CDYL: variants seen among roughly 807,000 people sequenced by gnomAD.
CDYL encodes the protein chromodomain Y-like protein.
In CDYL, 8 loss-of-function variants were observed where a neutral mutation model predicts 47.3. The ratio of observed to expected loss-of-function variants is 0.17; its 90% confidence interval spans 0.10 to 0.31. CDYL has a LOEUF of 0.31. CDYL is among the 10% of genes least tolerant of loss of function. The pLI is 1.00. For missense variants in CDYL, 471 were observed against 701.4 expected, an observed-to-expected ratio of 0.67 and a Z score of 3.71; for synonymous variants, 266 against 265.0, an observed-to-expected ratio of 1.00 and a Z score of -0.04.
intron 1 of CDYL, among the ~76,000 whole-genome samples, chr6:4,783,281 A>G (rs1379672151): frequency 6.7e-6 from 1 of 150,366 alleles, no homozygotes; most frequent in Non-Finnish European, 1.5e-5. Flanking sequence ...TTATCTGGAC[A>G]TGTCTTTATT....
At chr6:4,769,963 ATTTGTG>A (rs1446871246) in intron 3 of CDYL, among the ~76,000 whole-genome samples, 2 of 113,464 alleles carry the variant, frequency 1.8e-5, no homozygotes, top group African/African-American at 3.9e-5. Context: ...CGCCCGGCTA[ATTTGTG>A]TGTGTGTGTG....
At chr6:4,754,495 T>C (rs2127420889) in intron 3 of CDYL, among the ~76,000 whole-genome samples, 1 of 152,348 alleles carries the variant, frequency 6.6e-6, no homozygotes, top group Non-Finnish European at 1.5e-5. Context: ...CGTTGAGCTG[T>C]ATCATTTGGG....
intron 1 of CDYL, among the ~76,000 whole-genome samples, chr6:4,818,187 C>T (rs1008551084): frequency 2.0e-5 from 3 of 151,820 alleles, no homozygotes; most frequent in African/African-American, 4.8e-5. Context: ...GCCTGGAGGT[C>T]GAGGCTGCAG....
chr6:4,919,936 G>A (rs370708256), intron 2 of CDYL, among the ~76,000 whole-genome samples: 1 of 103,368 alleles, frequency 9.7e-6, no homozygotes, highest in African/African-American at 2.9e-5. Flanking sequence ...ATAGCTAAAA[G>A]GTGGAAGCAA....
intron 5 of CDYL, among the ~76,000 whole-genome samples, chr6:4,947,490 C>T (rs911385697): frequency 4.6e-5 from 7 of 152,156 alleles, no homozygotes; most frequent in Admixed American, 4.6e-4. Flanking sequence ...CTCTTGCTCC[C>T]GGCTGCCCCT....
At chr6:4,773,933 C>T (rs1453969570), upstream of CDYL, among the ~76,000 whole-genome samples, 2 of 152,164 alleles carry the variant, frequency 1.3e-5, no homozygotes, top group Non-Finnish European at 2.9e-5. This position sits in a 1 kb window ranked among gnomAD's most constrained non-coding sequence, Gnocchi z 4.6. Context: ...AATTCTTCCC[C>T]TTTTTGTTTC....
At chr6:4,834,278 A>C (rs1335770828) in intron 1 of CDYL, among the ~76,000 whole-genome samples, 1 of 151,940 alleles carries the variant, frequency 6.6e-6, no homozygotes, top group African/African-American at 2.4e-5. Flanking sequence ...GGTGGTGACA[A>C]AATCTCTCAG....
intron 1 of CDYL, among the ~76,000 whole-genome samples, chr6:4,801,814 G>A (rs1279394874): frequency 1.3e-5 from 2 of 152,172 alleles, no homozygotes; most frequent in East Asian, 3.8e-4. Flanking sequence ...TTGGGAAAGA[G>A]CATCATATTC....
intron 1 of CDYL, among the ~76,000 whole-genome samples, chr6:4,783,324 C>T (rs1011632162): frequency 6.6e-6 from 1 of 150,774 alleles, no homozygotes; most frequent in Non-Finnish European, 1.5e-5. Context: ...AATAGTATTT[C>T]AAATAAAACC....
chr6:4,711,212 G>C (rs1356907088), intron 1 of CDYL, among the ~76,000 whole-genome samples: 1 of 152,146 alleles, frequency 6.6e-6, no homozygotes, highest in African/African-American at 2.4e-5. Flanking sequence ...TAACGCTGTG[G>C]AGACATGGTT....
At chr6:4,931,857 G>A (rs1003292875) in intron 2 of CDYL, among the ~76,000 whole-genome samples, 1 of 152,196 alleles carries the variant, frequency 6.6e-6, no homozygotes, top group African/African-American at 2.4e-5. Flanking sequence ...CTTGGTCAGC[G>A]TGAGCCAAAA....
intron 3 of CDYL, among the ~76,000 whole-genome samples, chr6:4,762,785 T>C (rs1758196153): frequency 6.6e-6 from 1 of 151,556 alleles, no homozygotes; most frequent in Non-Finnish European, 1.5e-5. Context: ...TCAGAAATGA[T>C]AATACAACGC....
chr6:4,813,646 G>C (rs1759588311), intron 1 of CDYL, among the ~76,000 whole-genome samples: 1 of 152,194 alleles, frequency 6.6e-6, no homozygotes, highest in African/African-American at 2.4e-5. Context: ...TGCACATGCT[G>C]TTCTGGTTTT....
chr6:4,895,873 C>CCATCCA (rs1219145513), intron 2 of CDYL, among the ~76,000 whole-genome samples: 1 of 152,180 alleles, frequency 6.6e-6, no homozygotes, highest in African/African-American at 2.4e-5. Context: ...TAAAAAACAT[C>CCATCCA]CATCCACACA....
rs183156863 is a variant in CDYL at position 4,891,635 on chromosome 6, G to A, written c.25-78G>A. 50 of 1,172,260 alleles carry A rather than the reference G, an allele frequency of 4.3e-5. No homozygotes were observed. The East Asian group carries it at 1.3e-3, about 29-fold the overall frequency. The allele number at this position is 1,172,260 out of a possible 1,614,324, so 72.6% of individuals were successfully genotyped here. A position where few individuals can be genotyped will look rare whatever the true frequency, so the allele number is the denominator to read the frequency against. ...ATCTATTGTGGTTTTTGCTATTTTT[G>A]ATGTTTCCTAATGAAACTTGCACTT... On this transcript the variant is annotated intron_variant, in intron 1 of 6. Coordinates refer to ENST00000397588, the MANE Select transcript of CDYL (RefSeq NM_004824.4).
intron 3 of CDYL, among the ~76,000 whole-genome samples, chr6:4,735,905 TGG>T (rs56986849): frequency 6.6e-5 from 10 of 151,790 alleles, no homozygotes; most frequent in East Asian, 1.9e-4. Flanking sequence ...GTGCACGTGA[TGG>T]GGGGGGGTGG....
At chr6:4,852,495 TCTTC>T (rs1215677134) in intron 1 of CDYL, among the ~76,000 whole-genome samples, 5 of 100,182 alleles carry the variant, frequency 5.0e-5, no homozygotes, top group East Asian at 3.1e-4. Context: ...TTCCTTCCAA[TCTTC>T]CTTCCTTCCT....
intron 2 of CDYL, among the ~76,000 whole-genome samples, chr6:4,725,696 C>G (rs555540108): frequency 6.6e-6 from 1 of 152,372 alleles, no homozygotes; most frequent in South Asian, 2.1e-4. Context: ...CCCTCCACAC[C>G]TTCCCGCAAG....
intron 6 of CDYL, 98 bp downstream of exon 6, chr6:4,952,507 G>A (rs149293891): frequency 1.5e-3 from 2,007 of 1,360,792 alleles, no homozygotes; most frequent in East Asian, 4.5e-3. Context: ...AGTCCTTTAC[G>A]TTTGTCCTCA....
Sources: allele counts gnomAD v4.1 joint callset (sites outside exome capture counted in the v4.1 genomes callset), GRCh38; gene constraint gnomAD v4.1.1; non-coding constraint Gnocchi (gnomAD v3.1); transcripts MANE v1.5; gene names NCBI Gene and HGNC (gene_info 2026-07-23, HGNC 2026-07-21).